PCDHA11: variants seen among roughly 807,000 people sequenced by gnomAD.
The protein encoded by PCDHA11 is protocadherin alpha-11.
A neutral mutation model predicts 70.3 loss-of-function variants in PCDHA11; 61 were observed. The observed-to-expected ratio is 0.87, with a 90% CI of 0.71 to 1.07. The LOEUF is 1.07. PCDHA11 is among the 50% of genes least tolerant of loss of function. The pLI, the probability that PCDHA11 is intolerant of heterozygous loss-of-function variation, is 0.00. For synonymous variants in PCDHA11, 633 were observed against 555.1 expected, an observed-to-expected ratio of 1.14 and a Z score of -1.97; for missense variants, 1,324 against 1,237.5, an observed-to-expected ratio of 1.07 and a Z score of -1.05.
chr5:140,886,637 C>A (rs1379156415), intron 1 of PCDHA11, among the ~76,000 whole-genome samples: 3 of 151,848 alleles, frequency 2.0e-5, no homozygotes, highest in Non-Finnish European at 4.4e-5. Context: ...ACCAGCCTGG[C>A]CAACATGGTG....
chr5:140,968,091 C>T lies in PCDHA11; in HGVS notation c.2392-10858C>T, dbSNP rs782079016. 1.4e-5 allele frequency: 22 copies of T among 1,614,128 alleles called. No individual in the cohort carries two copies. Among genetic ancestry groups the T allele is most frequent in the Non-Finnish European group, 1.9e-5 (22 of 1,180,016 alleles). On this transcript the variant is annotated intron_variant, in intron 1 of 3. Coordinates refer to ENST00000398640, the MANE Select transcript of PCDHA11 (RefSeq NM_018902.5). ...GTCTACAACATCACGGTGACAGCCA[C>T]AGATGGGGGAATACCGCAGCTCACA...
chr5:140,882,513 G>A (rs2059164592), intron 1 of PCDHA11: 3 of 1,614,072 alleles, frequency 1.9e-6, no homozygotes, highest in Admixed American at 3.3e-5. Context: ...CTGCAGAATG[G>A]CATTTTGTTT....
At position 140,871,521 on chromosome 5, in the gene PCDHA11, C is replaced by T. The variant is rs1554165698; in HGVS notation, c.2391+27C>T. 3.2e-6 allele frequency: 5 copies of T among 1,553,236 alleles called. No individual in the cohort carries two copies. In the Admixed American group the frequency reaches 1.0e-4, roughly 31 times the overall value. On this transcript the variant is annotated intron_variant, in intron 1 of 3. Transcript: ENST00000398640. ...TGAGTTTTCTACAGATTCCACCTAT[C>T]AGGAAGTGTATGTGAAATTATTTAA...
chr5:140,954,017 T>C (rs2094968085), intron 1 of PCDHA11, among the ~76,000 whole-genome samples: 1 of 152,162 alleles, frequency 6.6e-6, no homozygotes, highest in Admixed American at 6.5e-5. Flanking sequence ...CTCCCACACA[T>C]AGTGGGACGA....
intron 1 of PCDHA11, among the ~76,000 whole-genome samples, chr5:140,945,069 A>G (rs550774069): frequency 6.6e-6 from 1 of 152,278 alleles, no homozygotes; most frequent in East Asian, 1.9e-4. Context: ...TACAGACTCC[A>G]CCAAAACACT....
At chr5:140,968,256 A>G (rs782309414) in intron 1 of PCDHA11, 2 of 1,614,006 alleles carry the variant, frequency 1.2e-6, no homozygotes, top group East Asian at 4.5e-5. Flanking sequence ...ACAGACCCAG[A>G]TGAAAAGGAG....
intron 2 of PCDHA11, 142 bp from the exon 3 acceptor site, chr5:140,982,333 A>C (rs2096978357): frequency 1.4e-6 from 2 of 1,438,566 alleles, no homozygotes; most frequent in Admixed American, 4.6e-5. Context: ...ACTGCTCAGC[A>C]GTAATTGCTT....
At chr5:140,966,755 C>A in intron 1 of PCDHA11, 1 of 1,434,520 alleles carries the variant, frequency 7.0e-7, no homozygotes, top group South Asian at 1.5e-5. Context: ...GCCTCCGCCG[C>A]GGCCAGTGGC....
chr5:140,905,493 T>C (rs185992010), intron 1 of PCDHA11, among the ~76,000 whole-genome samples: 10 of 152,288 alleles, frequency 6.6e-5, no homozygotes, highest in Non-Finnish European at 1.5e-4. Context: ...CTTCTTTTTG[T>C]TTTGTATTGC....
chr5:140,993,811 G>A (rs1554253953), intron 3 of PCDHA11, among the ~76,000 whole-genome samples: 3 of 152,154 alleles, frequency 2.0e-5, no homozygotes, highest in African/African-American at 2.4e-5. Flanking sequence ...TGTAGCCTAG[G>A]AGCAATAGGC....
chr5:141,009,716 C>A lies in PCDHA11; in HGVS notation c.2629C>A (p.Gln877Lys). Residue 877 changes from glutamine (Q) to lysine (K), a missense_variant, in exon 4 of 4, where the codon CAA becomes AAA. Transcript: ENST00000398640. ...TFKYGPGNPK[Q>K]SGPGELPDKF... is the part of the protein sequence containing the mutation. ...TAAATACGGACCAGGCAACCCCAAACAATCCGGTCCCGGTGAGTTGCCCGA... is the reference window on the plus strand; with the variant it reads ...TAAATACGGACCAGGCAACCCCAAAAAATCCGGTCCCGGTGAGTTGCCCGA... 3 of 1,614,168 alleles carry A rather than the reference C, an allele frequency of 1.9e-6. No homozygotes were observed. The highest frequency in any genetic ancestry group is 2.5e-6 in the Non-Finnish European group (3 of 1,180,034).
intron 1 of PCDHA11, among the ~76,000 whole-genome samples, chr5:140,976,461 G>A (rs935204153): frequency 1.3e-5 from 2 of 152,120 alleles, no homozygotes; most frequent in African/African-American, 4.8e-5. Flanking sequence ...TGGGGAAGAA[G>A]AATTGCTTGA....
chr5:140,928,903 T>C, intron 1 of PCDHA11: 1 of 1,614,190 alleles, frequency 6.2e-7, no homozygotes, highest in Non-Finnish European at 8.5e-7. Flanking sequence ...TGAAGATGTC[T>C]GGGAACCAGG....
intron 1 of PCDHA11, among the ~76,000 whole-genome samples, chr5:140,954,141 T>C (rs1344784554): frequency 2.0e-5 from 3 of 152,208 alleles, no homozygotes; most frequent in Non-Finnish European, 4.4e-5. Flanking sequence ...TGCATAGTAT[T>C]CCATGGTGTA....
At chr5:140,887,125 C>G (rs1391575318) in intron 1 of PCDHA11, among the ~76,000 whole-genome samples, 3 of 150,080 alleles carry the variant, frequency 2.0e-5, no homozygotes. Context: ...GAGACGGAGT[C>G]TCACTCTGTC....
chr5:140,873,126 G>A (rs2054115570), intron 1 of PCDHA11, among the ~76,000 whole-genome samples: 1 of 152,124 alleles, frequency 6.6e-6, no homozygotes, highest in Admixed American at 6.5e-5. Context: ...AATATTCAAA[G>A]AGTCTATGCT....
chr5:140,952,832 G>A (rs560488815), intron 1 of PCDHA11, among the ~76,000 whole-genome samples: 1 of 152,226 alleles, frequency 6.6e-6, no homozygotes, highest in African/African-American at 2.4e-5. Context: ...GCATGATGCT[G>A]GCCATCTGCT....
chr5:140,871,344 G>T lies in PCDHA11; in HGVS notation c.2241G>T (p.Trp747Cys). ...TGTGCTCCCGCGCGGTGGGGAGCTG[G>T]TCATACTCGCAGCAGAGGCGGCAGA... is the stretch of plus-strand genomic sequence containing the variant. ...TLVCSRAVGS[W>C]SYSQQRRQRV... is the part of the protein sequence containing the mutation. Residue 747 changes from tryptophan to cysteine, a missense_variant, in exon 1 of 4, where the codon TGG becomes TGT. By Grantham distance (215) the Trp-to-Cys change is radical. Coordinates refer to ENST00000398640, the MANE Select transcript of PCDHA11 (RefSeq NM_018902.5). The T allele has an allele frequency of 6.2e-7, 1 of 1,614,200 alleles. No homozygotes were observed. Among genetic ancestry groups the T allele is most frequent in the Non-Finnish European group, 8.5e-7 (1 of 1,180,040 alleles).
chr5:140,892,061 T>C (rs1445819046), intron 1 of PCDHA11, among the ~76,000 whole-genome samples: 1 of 152,254 alleles, frequency 6.6e-6, no homozygotes, highest in Non-Finnish European at 1.5e-5. Context: ...AATTTATTGT[T>C]ACTTTGTATA....
Sources: gnomAD v4.1 joint callset for allele counts (sites outside exome capture counted in the v4.1 genomes callset) on GRCh38, gnomAD v4.1.1 for gene constraint, MANE v1.5 for transcripts, NCBI Gene and HGNC (gene_info 2026-07-23, HGNC 2026-07-21) for gene names.